The following FAM149A variants were observed in gnomAD, a reference collection of about 807,000 sequenced individuals.
FAM149A encodes family with sequence similarity 149 member A.
In FAM149A, 71 loss-of-function variants were observed where a neutral mutation model predicts 78.2. The observed-to-expected ratio is 0.91, with a 90% CI of 0.75 to 1.11. The LOEUF is 1.11. Among genes scored for constraint, FAM149A ranks in the 50% least tolerant of loss-of-function variants. The pLI, the probability that FAM149A is intolerant of heterozygous loss-of-function variation, is 0.00. For missense variants in FAM149A, 1,036 were observed against 971.0 expected (o/e 1.07, Z -0.89); for synonymous variants, 446 against 410.5 (o/e 1.09, Z -1.04).
chr4:186,118,110 G>A (rs2099314484), intron 1 of FAM149A: 1 of 985,328 alleles, frequency 1.0e-6, no homozygotes. Context: ...GGAAGTTAAG[G>A]ACTGGAAGTA....
At chr4:186,131,715 T>C (rs1372261256) in intron 1 of FAM149A, 1 of 169,312 alleles carries the variant, frequency 5.9e-6, no homozygotes, top group Non-Finnish European at 1.2e-5. Flanking sequence ...GATCTGAATA[T>C]GAAAGGTAAA....
intron 4 of FAM149A, among the ~76,000 whole-genome samples, chr4:186,152,299 T>C (rs1364956907): frequency 2.6e-5 from 4 of 152,198 alleles, no homozygotes; most frequent in East Asian, 1.9e-4. Flanking sequence ...ATGACACATA[T>C]ACGAATGCAA....
intron 1 of FAM149A, chr4:186,123,399 G>C: frequency 1.0e-6 from 1 of 980,418 alleles, no homozygotes; most frequent in Non-Finnish European, 1.2e-6. Flanking sequence ...TTGGGAGACA[G>C]TTCTCCCTGG....
intron 1 of FAM149A, among the ~76,000 whole-genome samples, chr4:186,135,622 G>A (rs767801315): frequency 2.6e-5 from 4 of 152,158 alleles, no homozygotes; most frequent in East Asian, 1.9e-4. Context: ...TGAACTCACC[G>A]ACAGCGCTGT....
intron 1 of FAM149A, chr4:186,130,293 C>CTCTCTCTCTCTATATATA: frequency 1.5e-3 from 72 of 46,562 alleles, no homozygotes; most frequent in East Asian, 2.3e-3. Flanking sequence ...CTCTCTCTCT[C>CTCTCTCTCTCTATATATA]TATATATATA....
chr4:186,137,000 C>CTCTCTCTCTTTCTCTCTCTT (rs2099323548), intron 1 of FAM149A, among the ~76,000 whole-genome samples: 2 of 136,850 alleles, frequency 1.5e-5, no homozygotes, highest in African/African-American at 5.7e-5. Context: ...CTCTCTCTCT[C>CTCTCTCTCTTTCTCTCTCTT]TCTCTCTCTC....
At chr4:186,115,383 C>T (rs557783626) in intron 1 of FAM149A, among the ~76,000 whole-genome samples, 64 of 149,998 alleles carry the variant, frequency 4.3e-4, no homozygotes, top group African/African-American at 9.1e-4. Context: ...CTGAAGCCGC[C>T]TTCTCTCAGC....
At chr4:186,169,979 C>A in intron 13 of FAM149A, 1 of 973,450 alleles carries the variant, frequency 1.0e-6, no homozygotes, top group Non-Finnish European at 1.2e-6. Flanking sequence ...ATTTCCCCTC[C>A]TTAACCATTT....
intron 1 of FAM149A, among the ~76,000 whole-genome samples, chr4:186,139,794 T>C (rs1448555293): frequency 6.6e-6 from 1 of 152,206 alleles, no homozygotes; most frequent in East Asian, 1.9e-4. Context: ...AGAGATGACA[T>C]AGTTGTATGT....
chr4:186,165,409 T>G lies in FAM149A; in HGVS notation c.1955T>G (p.Leu652Arg). The change falls in exon 11 of 14, where the codon CTA becomes CGA. Residue 652 changes from leucine to arginine, a missense_variant. Physicochemically the swap from Leu to Arg is moderately radical, Grantham distance 102. Coordinates refer to ENST00000389354, the MANE Select transcript of FAM149A (RefSeq NM_001367768.3). Reference sequence around the variant, plus strand: ...ACGTCACGGAGCAGGTTCCCCCCGCTAGTCACGGAGACCAGGGGGCAGAAT... The same window carrying G: ...ACGTCACGGAGCAGGTTCCCCCCGCGAGTCACGGAGACCAGGGGGCAGAAT... 1 of 1,614,144 alleles carries G rather than the reference T, an allele frequency of 6.2e-7. No homozygotes were observed. Among genetic ancestry groups the G allele is most frequent in the Non-Finnish European group, 8.5e-7 (1 of 1,179,964 alleles).
chr4:186,158,797 C>T (rs552867751), intron 8 of FAM149A: 23 of 1,020,596 alleles, frequency 2.3e-5, no homozygotes, highest in Non-Finnish European at 2.6e-5. Flanking sequence ...TTCTGCAGCT[C>T]CCAATGCTCA....
In FAM149A at chr4:186,105,282, C is replaced by G; in HGVS notation, c.206C>G (p.Ser69Trp). 2 of 1,190,764 alleles carry G rather than the reference C, an allele frequency of 1.7e-6. No individual in the cohort carries two copies. The highest frequency in any genetic ancestry group is 2.1e-6 in the Non-Finnish European group (2 of 948,630). 73.8% of individuals were successfully genotyped at this position (1,190,764 alleles called of 1,614,324 possible). The change falls in exon 1 of 14, where the codon TCG (serine) becomes TGG (tryptophan). Residue 69 changes from serine to tryptophan, a missense_variant. By Grantham distance (177) the Ser-to-Trp change is radical (BLOSUM62 -3). Coordinates refer to ENST00000389354, the MANE Select transcript of FAM149A (RefSeq NM_001367768.3). ...GACTCCCCCTCCGCCTCGCGGCGGT[C>G]GCCCGCCCCGCTGCTCTCCTCCCCC...
At chr4:186,162,995 G>C in intron 9 of FAM149A, 47 bp downstream of exon 9, 4 of 1,072,788 alleles carry the variant, frequency 3.7e-6, no homozygotes, top group South Asian at 1.3e-5. Flanking sequence ...TCCCTGTGCT[G>C]CAAACACTGG....
intron 1 of FAM149A, chr4:186,125,392 AG>A (rs2099317875): frequency 1.1e-6 from 1 of 946,886 alleles, no homozygotes; most frequent in African/African-American, 1.8e-5. Flanking sequence ...GCCACTGCTG[AG>A]GGAAGCAGCC....
chr4:186,133,353 C>T (rs2099321568), intron 1 of FAM149A: 1 of 225,488 alleles, frequency 4.4e-6, no homozygotes, highest in Non-Finnish European at 7.4e-6. Context: ...CCAGTAACTC[C>T]CCGTTCCTTC....
intron 11 of FAM149A, among the ~76,000 whole-genome samples, chr4:186,166,573 C>A (rs199577534): frequency 1.3e-5 from 2 of 151,042 alleles, no homozygotes; most frequent in East Asian, 1.9e-4. Flanking sequence ...ATCGCTTGAA[C>A]CCTGGAGGCC....
chr4:186,150,473 G>C (rs1196895750), intron 3 of FAM149A, among the ~76,000 whole-genome samples: 3 of 117,054 alleles, frequency 2.6e-5, no homozygotes, highest in Non-Finnish European at 3.5e-5. Context: ...AGGCTGGAGT[G>C]CAGGGGCGCG....
intron 1 of FAM149A, among the ~76,000 whole-genome samples, chr4:186,130,322 A>G (rs990743078): frequency 1.4e-5 from 1 of 70,140 alleles, no homozygotes; most frequent in Non-Finnish European, 3.0e-5. Context: ...TATAATCTAT[A>G]TCGACAGAAC....
rs1301235462 is a variant in FAM149A at position 186,144,890 on chromosome 4, C to T, written c.567-4283C>T. 34 of 974,718 alleles carry T rather than the reference C, an allele frequency of 3.5e-5. No individual in the cohort carries two copies. Among genetic ancestry groups the T allele is most frequent in the Middle Eastern group, 5.3e-4 (1 of 1,902 alleles). The allele number at this position is 974,718 out of a possible 1,614,324, so 60.4% of individuals were successfully genotyped here. On this transcript the variant is annotated intron_variant, in intron 1 of 13. Coordinates refer to ENST00000389354, the MANE Select transcript of FAM149A (RefSeq NM_001367768.3). This position sits in a 1 kb window ranked among gnomAD's most constrained non-coding sequence, Gnocchi z 4.2. ...GCGTGCGAGCCCCGCGGACCCCGGG[C>T]GCGCCCGGGCCGCCTGAGCTGGGCC...
Sources: allele counts gnomAD v4.1 joint callset (sites outside exome capture counted in the v4.1 genomes callset), GRCh38; gene constraint gnomAD v4.1.1; non-coding constraint Gnocchi (gnomAD v3.1); transcripts MANE v1.5; gene names NCBI Gene and HGNC (gene_info 2026-07-23, HGNC 2026-07-21).